ASIC2: variants seen among roughly 807,000 people sequenced by gnomAD.
The protein encoded by ASIC2 is acid-sensing ion channel 2.
Under a neutral mutation model 57.3 loss-of-function variants are expected in ASIC2, and 25 were observed. That is an observed-to-expected ratio of 0.44 (90% CI 0.32 to 0.61). The LOEUF is 0.61. Ranked by LOEUF, ASIC2 falls within the 20% of genes least tolerant of loss-of-function variation. The pLI is 0.06. For missense variants in ASIC2, 641 were observed against 738.1 expected (o/e 0.87, Z 1.52); for synonymous variants, 319 against 307.5 (o/e 1.04, Z -0.39).
At chr17:33,204,794 G>C (rs1397239017) in intron 1 of ASIC2, among the ~76,000 whole-genome samples, 3 of 152,234 alleles carry the variant, frequency 2.0e-5, no homozygotes, top group Non-Finnish European at 2.9e-5. Flanking sequence ...CACTGGATGT[G>C]AAGCTGAAAG....
At chr17:33,635,919 T>C (rs1009347182) in intron 1 of ASIC2, among the ~76,000 whole-genome samples, 17 of 152,118 alleles carry the variant, frequency 1.1e-4, no homozygotes, top group African/African-American at 3.9e-4. Context: ...ACCATAGAAA[T>C]GTTCATCATC....
At chr17:33,666,581 G>A (rs1907480276) in intron 1 of ASIC2, among the ~76,000 whole-genome samples, 1 of 152,206 alleles carries the variant, frequency 6.6e-6, no homozygotes, top group Non-Finnish European at 1.5e-5. Context: ...TCATCTGGAA[G>A]GCTTGAAGTG....
In ASIC2 at chr17:33,738,028, C is replaced by T. The variant is rs11869920; in HGVS notation, c.555+417950G>A. On this transcript the variant is annotated intron_variant, in intron 1 of 9. Coordinates refer to the ASIC2 transcript ENST00000359872. The stretch of plus-strand genomic sequence containing the variant: ...AAATTGCTGGTAAGATTTAATAGCT[C>T]ACTGGTTCAGTTACTGGTCATGGCA... 9.7e-3 allele frequency among the ~76,000 whole-genome samples: 1,477 copies of T among 152,266 alleles called. 8 individuals carry two copies. Among genetic ancestry groups the T allele is most frequent in the Non-Finnish European group, 0.014 (936 of 68,012 alleles).
chr17:33,109,007 T>C (rs967368822), intron 2 of ASIC2, among the ~76,000 whole-genome samples: 5 of 152,132 alleles, frequency 3.3e-5, no homozygotes, highest in Non-Finnish European at 7.4e-5. Flanking sequence ...GCTAGCTAAT[T>C]TAAATGAATA....
At chr17:33,838,404 G>T (rs1913334524) in intron 1 of ASIC2, among the ~76,000 whole-genome samples, 1 of 152,140 alleles carries the variant, frequency 6.6e-6, no homozygotes, top group Non-Finnish European at 1.5e-5. Context: ...CCCAGATCAT[G>T]TTCTTTACCC....
At chr17:33,841,758 T>A (rs376616868) in intron 1 of ASIC2, among the ~76,000 whole-genome samples, 1 of 152,030 alleles carries the variant, frequency 6.6e-6, no homozygotes, top group Non-Finnish European at 1.5e-5. Flanking sequence ...AAGAAATAAT[T>A]GGGAAGATCT....
At chr17:33,578,552 G>T (rs965925981) in intron 1 of ASIC2, among the ~76,000 whole-genome samples, 1 of 152,120 alleles carries the variant, frequency 6.6e-6, no homozygotes, top group Admixed American at 6.6e-5. Flanking sequence ...GGGACACCAA[G>T]AAAAAAGTTC....
chr17:33,731,467 A>G (rs1252156201), intron 1 of ASIC2, among the ~76,000 whole-genome samples: 5 of 152,182 alleles, frequency 3.3e-5, no homozygotes, highest in Non-Finnish European at 7.3e-5. Context: ...AGTTTGAATC[A>G]AATGTCTTTC....
intron 1 of ASIC2, among the ~76,000 whole-genome samples, chr17:33,617,271 T>C (rs1333833966): frequency 1.3e-5 from 2 of 152,074 alleles, no homozygotes; most frequent in African/African-American, 4.8e-5. Flanking sequence ...TAAATGCCCA[T>C]CAGTGAAAAA....
At chr17:33,977,354 T>A (rs1905431149) in intron 1 of ASIC2, among the ~76,000 whole-genome samples, 1 of 152,220 alleles carries the variant, frequency 6.6e-6, no homozygotes, top group South Asian at 2.1e-4. Flanking sequence ...TCAGGGCACC[T>A]CTGCCTGCAT....
chr17:33,874,396 G>A (rs1914501068), intron 1 of ASIC2, among the ~76,000 whole-genome samples: 1 of 151,940 alleles, frequency 6.6e-6, no homozygotes, highest in Non-Finnish European at 1.5e-5. Flanking sequence ...TATTGAATGG[G>A]GTATACTTAT....
At chr17:33,717,998 C>T (rs1322839198) in intron 1 of ASIC2, among the ~76,000 whole-genome samples, 1 of 152,078 alleles carries the variant, frequency 6.6e-6, no homozygotes, top group Non-Finnish European at 1.5e-5. Flanking sequence ...GAGTGTGAAG[C>T]TGTTTCTACC....
chr17:33,214,631 A>T (rs1022137878), intron 1 of ASIC2, among the ~76,000 whole-genome samples: 13 of 152,094 alleles, frequency 8.5e-5, no homozygotes, highest in Non-Finnish European at 1.6e-4. Flanking sequence ...TCTTGTTGAA[A>T]TGCAGATTCT....
intron 1 of ASIC2, among the ~76,000 whole-genome samples, chr17:33,737,932 A>G (rs1248044082): frequency 6.6e-6 from 1 of 152,242 alleles, no homozygotes; most frequent in Non-Finnish European, 1.5e-5. Context: ...CCAGAGAAGG[A>G]AAAACCCAAC....
At chr17:33,229,701 G>A (rs558102920) in intron 1 of ASIC2, among the ~76,000 whole-genome samples, 1 of 152,312 alleles carries the variant, frequency 6.6e-6, no homozygotes, top group East Asian at 1.9e-4. Context: ...ACGCATGGGA[G>A]CCAATAAATA....
At chr17:33,293,745 G>T (rs775643285), upstream of ASIC2, among the ~76,000 whole-genome samples, 7 of 152,096 alleles carry the variant, frequency 4.6e-5, no homozygotes, top group Non-Finnish European at 7.4e-5. Flanking sequence ...CATGTCTGCG[G>T]GTGGCGTGCT....
chr17:34,128,457 T>C (rs1483810315), intron 1 of ASIC2, among the ~76,000 whole-genome samples: 1 of 152,188 alleles, frequency 6.6e-6, no homozygotes, highest in Non-Finnish European at 1.5e-5. Context: ...CACTTTCCCC[T>C]GCAAACCACA....
chr17:33,789,332 C>A (rs901716011), intron 1 of ASIC2, among the ~76,000 whole-genome samples: 12 of 152,224 alleles, frequency 7.9e-5, no homozygotes, highest in African/African-American at 2.9e-4. Context: ...TGATTCCTCA[C>A]TGTGGTCCAG....
intron 1 of ASIC2, among the ~76,000 whole-genome samples, chr17:33,975,302 G>C (rs1905347532): frequency 1.3e-5 from 2 of 152,062 alleles, no homozygotes; most frequent in Non-Finnish European, 2.9e-5. Flanking sequence ...TAAAGGGTTG[G>C]GCCTCCTGAG....
Sources: allele counts gnomAD v4.1 joint callset (sites outside exome capture counted in the v4.1 genomes callset), GRCh38; gene constraint gnomAD v4.1.1; transcripts MANE v1.5; gene names NCBI Gene and HGNC (gene_info 2026-07-23, HGNC 2026-07-21).